The following RERE variants were observed in gnomAD, a reference collection of about 807,000 sequenced individuals.
RERE encodes the protein arginine-glutamic acid dipeptide repeats protein.
RERE carries 40 observed loss-of-function variants against 146.1 expected under a neutral mutation model. That is an observed-to-expected ratio of 0.27 (90% CI 0.21 to 0.36). The LOEUF (loss-of-function observed/expected upper bound fraction) is 0.36, where lower values mean the gene tolerates loss of function less well. Among genes scored for constraint, RERE ranks in the 10% least tolerant of loss-of-function variants. The pLI, the probability that RERE is intolerant of heterozygous loss-of-function variation, is 1.00. For synonymous variants in RERE, 1,003 were observed against 866.0 expected (o/e 1.16, Z -2.78); for missense variants, 1,933 against 2,138.7 (o/e 0.90, Z 1.90).
chr1:8,426,013 G>A (rs1644006397), intron 11 of RERE, among the ~76,000 whole-genome samples: 1 of 152,060 alleles, frequency 6.6e-6, no homozygotes, highest in Non-Finnish European at 1.5e-5. Flanking sequence ...TCAAACTTAA[G>A]CCCCCTCAAA....
At chr1:8,487,551 C>G (rs1341743846) in intron 10 of RERE, among the ~76,000 whole-genome samples, 2 of 152,182 alleles carry the variant, frequency 1.3e-5, no homozygotes, top group Non-Finnish European at 2.9e-5. Flanking sequence ...GCACTCCAGC[C>G]TGGGCAATAG....
chr1:8,711,323 T>C (rs1279502902), intron 1 of RERE, among the ~76,000 whole-genome samples: 1 of 152,200 alleles, frequency 6.6e-6, no homozygotes, highest in Non-Finnish European at 1.5e-5. Context: ...CAAACTGTTA[T>C]GACATTAGTC....
chr1:8,551,283 C>T (rs1370546898), intron 6 of RERE, among the ~76,000 whole-genome samples: 1 of 152,184 alleles, frequency 6.6e-6, no homozygotes, highest in Non-Finnish European at 1.5e-5. Context: ...CAAGAATGTT[C>T]CCCAGGTCAC....
At chr1:8,602,559 T>C (rs913771605) in intron 4 of RERE, among the ~76,000 whole-genome samples, 18 of 149,946 alleles carry the variant, frequency 1.2e-4, no homozygotes, top group African/African-American at 3.9e-4. Flanking sequence ...TATATACCGA[T>C]GTCTACCCAC....
intron 12 of RERE, among the ~76,000 whole-genome samples, chr1:8,404,952 C>T (rs1643396942): frequency 6.6e-6 from 1 of 152,192 alleles, no homozygotes; most frequent in South Asian, 2.1e-4. Flanking sequence ...AGCCCCTGGT[C>T]CCTGTGCCAC....
At chr1:8,393,622 C>T (rs921185018) in intron 12 of RERE, among the ~76,000 whole-genome samples, 5 of 152,090 alleles carry the variant, frequency 3.3e-5, no homozygotes, top group South Asian at 2.1e-4. Context: ...TGGACCCAAG[C>T]GCAGGCAAGG....
chr1:8,604,762 G>C (rs1359737714), intron 4 of RERE, among the ~76,000 whole-genome samples: 2 of 151,650 alleles, frequency 1.3e-5, no homozygotes, highest in African/African-American at 4.8e-5. Flanking sequence ...TTACGAACTT[G>C]CCAAAAAAAA....
chr1:8,588,381 C>G (rs556222257), intron 4 of RERE, among the ~76,000 whole-genome samples: 69 of 152,262 alleles, frequency 4.5e-4, no homozygotes, highest in Admixed American at 2.4e-3. Flanking sequence ...CCTCAAAGTG[C>G]CTGGGCTGGA....
chr1:8,483,016 T>C (rs1644855978), intron 10 of RERE, among the ~76,000 whole-genome samples: 1 of 152,246 alleles, frequency 6.6e-6, no homozygotes, highest in Admixed American at 6.5e-5. Context: ...TTGACTTCAA[T>C]ATCCTGTTAT....
intron 1 of RERE, among the ~76,000 whole-genome samples, chr1:8,771,352 T>C (rs1211734786): frequency 6.6e-6 from 1 of 151,596 alleles, no homozygotes; most frequent in African/African-American, 2.4e-5. Flanking sequence ...CAAAACCCCA[T>C]CTCTACTAAA....
At chr1:8,553,031 C>T (rs1309496121) in intron 6 of RERE, among the ~76,000 whole-genome samples, 2 of 151,794 alleles carry the variant, frequency 1.3e-5, no homozygotes, top group Admixed American at 1.3e-4. Flanking sequence ...CACCACTAGG[C>T]CAGCATGTCC....
chr1:8,517,146 T>C (rs1032104721), intron 7 of RERE, among the ~76,000 whole-genome samples: 1 of 152,188 alleles, frequency 6.6e-6, no homozygotes, highest in Non-Finnish European at 1.5e-5. Flanking sequence ...GACCACTCTG[T>C]GGTATCTTTG....
intron 7 of RERE, among the ~76,000 whole-genome samples, chr1:8,535,830 G>A (rs779149861): frequency 6.6e-6 from 1 of 152,116 alleles, no homozygotes; most frequent in African/African-American, 2.4e-5. Flanking sequence ...AGATTTAGCC[G>A]GGCATGGTGG....
At chr1:8,596,996 G>A (rs1646562494) in intron 4 of RERE, among the ~76,000 whole-genome samples, 1 of 151,864 alleles carries the variant, frequency 6.6e-6, no homozygotes, top group Admixed American at 6.6e-5. Flanking sequence ...GATGCCCAGG[G>A]CACGAGCCAA....
intron 1 of RERE, among the ~76,000 whole-genome samples, chr1:8,741,502 G>A (rs183904253): frequency 2.6e-4 from 39 of 152,266 alleles, no homozygotes; most frequent in Admixed American, 2.0e-3. Flanking sequence ...TCGTGGAGCC[G>A]GTTTCTCCCA....
At chr1:8,675,495 CAAAA>C (rs56912804) in intron 1 of RERE, among the ~76,000 whole-genome samples, 1 of 90,220 alleles carries the variant, frequency 1.1e-5, no homozygotes. Flanking sequence ...CCCATCTCTA[CAAAA>C]AAAAAAAAAA....
chr1:8,738,396 G>T (rs994926148), intron 1 of RERE, among the ~76,000 whole-genome samples: 1 of 151,672 alleles, frequency 6.6e-6, no homozygotes. Flanking sequence ...GATTCTCCTG[G>T]GCTGGTCTCA....
intron 12 of RERE, among the ~76,000 whole-genome samples, chr1:8,405,321 T>G (rs1043533668): frequency 1.3e-5 from 2 of 152,104 alleles, no homozygotes; most frequent in African/African-American, 2.4e-5. Flanking sequence ...ATTAAGAAAT[T>G]TTTTTGCAGC....
At chr1:8,505,865 A>C (rs1645243285) in intron 8 of RERE, among the ~76,000 whole-genome samples, 1 of 152,240 alleles carries the variant, frequency 6.6e-6, no homozygotes, top group African/African-American at 2.4e-5. Flanking sequence ...TCATTTTTAA[A>C]AGTTTTATTA....
Sources: allele counts gnomAD v4.1 joint callset (sites outside exome capture counted in the v4.1 genomes callset), GRCh38; gene constraint gnomAD v4.1.1; transcripts MANE v1.5; gene names NCBI Gene and HGNC (gene_info 2026-07-23, HGNC 2026-07-21).